The following CUX2 variants were observed in gnomAD, a reference collection of about 807,000 sequenced individuals.
The protein encoded by CUX2 is cut like homeobox 2.
A neutral mutation model predicts 144.8 loss-of-function variants in CUX2; 40 were observed. The observed-to-expected ratio is 0.28, with a 90% CI of 0.21 to 0.36. CUX2 has a LOEUF of 0.36. CUX2 is among the 10% of genes least tolerant of loss of function. CUX2 has a pLI of 1.00. For synonymous variants in CUX2, 827 were observed against 875.6 expected, an observed-to-expected ratio of 0.94 and a Z score of 0.98; for missense variants, 1,615 against 1,994.0, an observed-to-expected ratio of 0.81 and a Z score of 3.62.
In CUX2 at chr12:111,310,501, G is replaced by A; in HGVS notation, c.1719G>A (p.Gln573=). ...KEQLLKHNIG[Q]RVFGHYVLGL... ...AGCTGCTGAAACACAACATCGGGCAGCGGGTGTTTGGGCATTACGTGCTGG... is the reference window on the plus strand; with the variant it reads ...AGCTGCTGAAACACAACATCGGGCAACGGGTGTTTGGGCATTACGTGCTGG... The change falls in exon 15 of 22, where the codon CAG becomes CAA. Residue 573 remains glutamine, a synonymous_variant. Coordinates refer to ENST00000261726, the MANE Select transcript of CUX2 (RefSeq NM_015267.4). This position sits in a 1 kb window ranked among gnomAD's most constrained non-coding sequence, Gnocchi z 7.9. 5 of 1,614,060 alleles carry A rather than the reference G, an allele frequency of 3.1e-6. No individual in the cohort carries two copies. Among genetic ancestry groups the A allele is most frequent in the Non-Finnish European group, 4.2e-6 (5 of 1,180,018 alleles).
intron 1 of CUX2, among the ~76,000 whole-genome samples, chr12:111,187,569 T>G (rs1320823579): frequency 6.6e-6 from 1 of 152,180 alleles, no homozygotes; most frequent in Non-Finnish European, 1.5e-5. Context: ...GAGACCTGGC[T>G]GGGGATTGGG....
At chr12:111,308,262 AC>A in intron 12 of CUX2, 22 bp from the exon 13 acceptor site, 2 of 1,613,524 alleles carry the variant, frequency 1.2e-6, no homozygotes, top group Non-Finnish European at 1.7e-6. Context: ...CTGACCTCAG[AC>A]CCTCTCCACT....
intron 18 of CUX2, 144 bp from the exon 19 acceptor site, chr12:111,334,297 G>A: frequency 6.7e-6 from 5 of 750,086 alleles, no homozygotes; most frequent in Non-Finnish European, 1.1e-5. Context: ...AGCATCCAGG[G>A]TGGTCCCTAC....
chr12:111,285,141 T>C (rs1285419899), intron 4 of CUX2, among the ~76,000 whole-genome samples: 1 of 152,196 alleles, frequency 6.6e-6, no homozygotes, highest in Non-Finnish European at 1.5e-5. Flanking sequence ...ACCTGTATCT[T>C]AGGTCTCCTT....
chr12:111,334,071 C>G (rs1002516562), intron 18 of CUX2, among the ~76,000 whole-genome samples: 7 of 151,420 alleles, frequency 4.6e-5, no homozygotes, highest in Non-Finnish European at 7.4e-5. Flanking sequence ...CCTGTAGTCC[C>G]AGCTACTTGG....
At chr12:111,258,719 TCTATTG>T (rs1883959947) in intron 3 of CUX2, among the ~76,000 whole-genome samples, 1 of 151,974 alleles carries the variant, frequency 6.6e-6, no homozygotes, top group Non-Finnish European at 1.5e-5. Context: ...AGAGTCTCAT[TCTATTG>T]CTCAGGCTGA....
intron 1 of CUX2, among the ~76,000 whole-genome samples, chr12:111,078,651 C>A (rs1285057434): frequency 1.3e-5 from 2 of 152,020 alleles, no homozygotes; most frequent in African/African-American, 4.8e-5. Flanking sequence ...GCCTGGGCGA[C>A]CGAGAAAGAT....
intron 1 of CUX2, among the ~76,000 whole-genome samples, chr12:111,161,082 G>A (rs556192980): frequency 3.3e-5 from 5 of 152,200 alleles, no homozygotes; most frequent in South Asian, 4.1e-4. Context: ...GACCACAGAC[G>A]GGGCAGACTG....
At chr12:111,254,431 T>C (rs933558335) in intron 3 of CUX2, among the ~76,000 whole-genome samples, 1 of 152,212 alleles carries the variant, frequency 6.6e-6, no homozygotes, top group Non-Finnish European at 1.5e-5. Context: ...GGGCAGAATC[T>C]GGAAGCTGGA....
intron 1 of CUX2, among the ~76,000 whole-genome samples, chr12:111,111,818 C>G (rs555246403): frequency 6.6e-6 from 1 of 151,866 alleles, no homozygotes; most frequent in Admixed American, 6.6e-5. Flanking sequence ...GTCTTGCTAA[C>G]GGCAGCAAGT....
At chr12:111,072,267 A>G (rs762861077) in intron 1 of CUX2, among the ~76,000 whole-genome samples, 1 of 152,160 alleles carries the variant, frequency 6.6e-6, no homozygotes, top group Admixed American at 6.5e-5. Flanking sequence ...CTCCCCATCT[A>G]TTTAGTTATT....
chr12:111,147,460 C>G lies in CUX2; in HGVS notation c.64-66740C>G, dbSNP rs1317446899. The stretch of plus-strand genomic sequence containing the variant: ...GGCTCCCACTGTGCCCCTGTCTTTT[C>G]CCTAGTCCCTGCCCAAGGGGCCCCC... On this transcript the variant is annotated intron_variant, in intron 1 of 21. Coordinates refer to ENST00000261726, the MANE Select transcript of CUX2 (RefSeq NM_015267.4). 7.2e-5 allele frequency among the ~76,000 whole-genome samples: 11 copies of G among 152,300 alleles called. No individual in the cohort carries two copies. In the East Asian group the frequency reaches 2.1e-3, roughly 29 times the overall value.
At chr12:111,219,492 C>T (rs769811226) in intron 3 of CUX2, among the ~76,000 whole-genome samples, 4 of 152,150 alleles carry the variant, frequency 2.6e-5, no homozygotes, top group Non-Finnish European at 4.4e-5. Flanking sequence ...AATCCAAAGA[C>T]AGGCATTCAG....
chr12:111,064,807 C>T (rs1351629612), intron 1 of CUX2, among the ~76,000 whole-genome samples: 1 of 152,128 alleles, frequency 6.6e-6, no homozygotes. Context: ...CATCTCTGAG[C>T]CTCAGTCTTT....
intron 1 of CUX2, among the ~76,000 whole-genome samples, chr12:111,048,122 G>A (rs913433389): frequency 1.1e-4 from 16 of 152,174 alleles, no homozygotes; most frequent in Admixed American, 3.3e-4. Flanking sequence ...TTTAGACCAC[G>A]GTAGTGGCTG....
intron 1 of CUX2, among the ~76,000 whole-genome samples, chr12:111,179,364 T>C (rs1879028656): frequency 6.6e-6 from 1 of 152,174 alleles, no homozygotes; most frequent in East Asian, 1.9e-4. Flanking sequence ...AGACCACATA[T>C]AAGGTGCACA....
At chr12:111,170,321 C>T (rs1566270178) in intron 1 of CUX2, among the ~76,000 whole-genome samples, 4 of 151,804 alleles carry the variant, frequency 2.6e-5, no homozygotes, top group Non-Finnish European at 4.4e-5. Flanking sequence ...CCCAGCTACT[C>T]GGGAAGTTGA....
chr12:111,147,366 A>G (rs975517768), intron 1 of CUX2, among the ~76,000 whole-genome samples: 1 of 152,190 alleles, frequency 6.6e-6, no homozygotes, highest in East Asian at 1.9e-4. Context: ...CACTCAGAGC[A>G]ATACAAAATA....
At chr12:111,066,888 G>A (rs1163035620) in intron 1 of CUX2, among the ~76,000 whole-genome samples, 1 of 152,212 alleles carries the variant, frequency 6.6e-6, no homozygotes, top group Non-Finnish European at 1.5e-5. Flanking sequence ...GAGGGTTGCT[G>A]TTAAGGATCC....
Sources: allele counts gnomAD v4.1 joint callset (sites outside exome capture counted in the v4.1 genomes callset), GRCh38; gene constraint gnomAD v4.1.1; non-coding constraint Gnocchi (gnomAD v3.1); transcripts MANE v1.5; gene names NCBI Gene and HGNC (gene_info 2026-07-23, HGNC 2026-07-21).